The following TTN variants were observed in gnomAD, a reference collection of about 807,000 sequenced individuals.
The protein encoded by TTN is connectin.
Under a neutral mutation model 3,223.0 loss-of-function variants are expected in TTN, and 1,525 were observed. The ratio of observed to expected loss-of-function variants is 0.47; its 90% confidence interval spans 0.45 to 0.49. The LOEUF (loss-of-function observed/expected upper bound fraction) is 0.49, where lower values mean the gene tolerates loss of function less well. TTN is among the 20% of genes least tolerant of loss of function. The pLI is 0.00. For synonymous variants in TTN, 14,094 were observed against 15,161.0 expected (o/e 0.93, Z 5.17); for missense variants, 40,786 against 43,424.0 (o/e 0.94, Z 5.40).
Position 178,747,170 on chromosome 2 carries a change from G to A in TTN, c.11312-5249C>T, listed in dbSNP as rs757243046. 7.5e-6 allele frequency: 12 copies of A among 1,610,370 alleles called. No individual in the cohort carries two copies. The highest frequency in any genetic ancestry group is 6.7e-5 in the African/African-American group (5 of 74,372). ...GGAATATCTCTCTAGAGTCTCTCCT[G>A]GGGGTGTGGAGTATCTCTCTAGAGT... On this transcript the variant is annotated intron_variant, in intron 47 of 362. Transcript: ENST00000589042.
chr2:178,574,720 C>T lies in TTN; in HGVS notation c.71412G>A (p.Gln23804=). The T allele has an allele frequency of 2.5e-6, 4 of 1,613,276 alleles. No individual in the cohort carries two copies. The highest frequency in any genetic ancestry group is 3.4e-6 in the Non-Finnish European group (4 of 1,179,532). The change falls in exon 326 of 363, where the codon CAG becomes CAA. Residue 23804 remains glutamine, a synonymous_variant. Transcript: ENST00000589042. ...TGCCTGGTCCAACTCCATATCTATT[C>T]TGAGCTTTTACACGGAACTGATACT... ...GLEYQFRVKA[Q]NRYGVGPGIT...
At chr2:178,784,536 C>G (rs2093031286) in intron 15 of TTN, among the ~76,000 whole-genome samples, 185 bp from the exon 16 acceptor site, 1 of 152,130 alleles carries the variant, frequency 6.6e-6, no homozygotes, top group Non-Finnish European at 1.5e-5. Context: ...CTTGTCATGC[C>G]TGTTAGTTTG....
rs1338070898 is a variant in TTN, at chr2:178,632,629, G to T, written c.43377C>A (p.Gly14459=). 6.2e-7 allele frequency: 1 copy of T among 1,613,330 alleles called. No homozygotes were observed. The highest frequency in any genetic ancestry group is 1.3e-5 in the African/African-American group (1 of 74,872). The change falls in exon 235 of 363, where the codon GGC becomes GGA. Residue 14459 remains glycine, a synonymous_variant. Transcript: ENST00000589042. ...ACTTGATCACCATTGAATGCTTAGTGCCATCCTTTATAAGCTCAAATCTGT... is the reference window on the plus strand; with the variant it reads ...ACTTGATCACCATTGAATGCTTAGTTCCATCCTTTATAAGCTCAAATCTGT... The part of the protein sequence containing the change: ...GDDRFELIKD[G]TKHSMVIKSA...
chr2:178,572,153 C>T lies in TTN; in HGVS notation c.73979G>A (p.Ser24660Asn), dbSNP rs1444695129. Residue 24660 changes from serine (S) to asparagine (N), a missense_variant, in exon 326 of 363, where the codon AGT (serine) becomes AAT (asparagine). Physicochemically the swap from Ser to Asn is conservative, Grantham distance 46. Transcript: ENST00000589042. ...TGTGGCACACGTGGCCCATTTGTCA[C>T]TGCCTTTGGTCTGCATCTCCACAAT... Reference protein sequence around the residue: ...GYIVEMQTKGSDKWATCATVK... With the variant: ...GYIVEMQTKGNDKWATCATVK... 1.2e-6 allele frequency: 2 copies of T among 1,613,332 alleles called. No individual in the cohort carries two copies. Among genetic ancestry groups the T allele is most frequent in the Middle Eastern group, 1.6e-4 (1 of 6,078 alleles).
chr2:178,574,950 C>T lies in TTN; in HGVS notation c.71182G>A (p.Gly23728Arg). The part of the protein sequence containing the change: ...VITIQVHDIP[G>R]PPTGPIKFDE... The stretch of plus-strand genomic sequence containing the variant: ...AATTTGATTGGTCCAGTAGGTGGCC[C>T]TGGGATATCATGGACTTGAATGGTG... Residue 23728 changes from glycine to arginine, a missense_variant, in exon 326 of 363, where the codon GGG becomes AGG. By Grantham distance (125) the Gly-to-Arg change is moderately radical (BLOSUM62 -2). Coordinates refer to ENST00000589042, the MANE Select transcript of TTN (RefSeq NM_001267550.2). The T allele has an allele frequency of 6.2e-7, 1 of 1,613,128 alleles. No individual in the cohort carries two copies. Among genetic ancestry groups the T allele is most frequent in the Non-Finnish European group, 8.5e-7 (1 of 1,179,528 alleles).
chr2:178,568,724 G>T lies in TTN; in HGVS notation c.77408C>A (p.Ala25803Glu), dbSNP rs1706938707. Residue 25803 changes from alanine (A) to glutamate (E), a missense_variant, in exon 326 of 363, where the codon GCA becomes GAA. Ala to Glu is a moderately radical substitution (Grantham distance 107). Transcript: ENST00000589042. Reference sequence around the variant, plus strand: ...AACCTGTACACTGTAACTACTGAATGCAGGTTTTACATCTGGCTCAATTAC... The same window carrying T: ...AACCTGTACACTGTAACTACTGAATTCAGGTTTTACATCTGGCTCAATTAC... Reference protein sequence around the residue: ...DLVIEPDVKPAFSSYSVQVGQ... With the variant: ...DLVIEPDVKPEFSSYSVQVGQ... 1 of 1,613,108 alleles carries T rather than the reference G, an allele frequency of 6.2e-7. No homozygotes were observed.
chr2:178,681,637 GTAA>G, intron 136 of TTN, 21 bp downstream of exon 136: 1 of 1,592,756 alleles, frequency 6.3e-7, no homozygotes, highest in Non-Finnish European at 8.5e-7. Flanking sequence ...TCTCTTACAG[GTAA>G]TAATGTTTTT....
At position 178,528,681 on chromosome 2, in the gene TTN, A is replaced by C; in HGVS notation, c.107070T>G (p.Tyr35690Ter). ...KTKEGIVKCQ[Y>*]DLTLSKELSD... ...AGAGTTCTTTGCTCAGTGTCAAATC[A>C]TACTGACACTTGACGATTCCTTCCT... The change falls in exon 360 of 363, where the codon TAT becomes TAG. Residue 35690 changes from tyrosine to a stop codon, truncating the protein, a stop_gained. Coordinates refer to ENST00000589042, the MANE Select transcript of TTN (RefSeq NM_001267550.2). LOFTEE classifies it high-confidence loss of function. The C allele has an allele frequency of 6.2e-7, 1 of 1,613,492 alleles. No homozygotes were observed. The highest frequency in any genetic ancestry group is 8.5e-7 in the Non-Finnish European group (1 of 1,179,668).
At position 178,614,340 on chromosome 2, in the gene TTN, C is replaced by T. The variant is rs374866935; in HGVS notation, c.49057G>A (p.Gly16353Arg). Residue 16353 changes from glycine to arginine, a missense_variant, in exon 262 of 363, where the codon GGA becomes AGA. Physicochemically the swap from Gly to Arg is moderately radical, Grantham distance 125. Transcript: ENST00000589042. ...VVEVNVLDKP[G>R]PPAAFDITDV... ...GTGATGTCAAAGGCAGCTGGTGGTC[C>T]GGGTTTATCTGTGTATGGCATTACA... The T allele has an allele frequency of 3.2e-5, 52 of 1,611,900 alleles. No individual in the cohort carries two copies. The highest frequency in any genetic ancestry group is 1.3e-4 in the South Asian group (12 of 90,932).
At position 178,608,851 on chromosome 2, in the gene TTN, A is replaced by T. The variant is rs2154197942; in HGVS notation, c.52160T>A (p.Leu17387His). ...ATCAAGGGGTGGTTCCCATTTACAA[A>T]GGACTGAGGTCTTTCTGATATCTTC... ...VFEDIRKTSV[L>H]CKWEPPLDDG... The change falls in exon 274 of 363, where the codon CTT becomes CAT. Residue 17387 changes from leucine (L) to histidine (H), a missense_variant. Leu to His is a moderately conservative substitution (Grantham distance 99). Coordinates refer to ENST00000589042, the MANE Select transcript of TTN (RefSeq NM_001267550.2). 1.2e-6 allele frequency: 2 copies of T among 1,612,180 alleles called. No individual in the cohort carries two copies. The highest frequency in any genetic ancestry group is 1.7e-6 in the Non-Finnish European group (2 of 1,179,204).
intron 47 of TTN, chr2:178,747,881 T>G: frequency 2.5e-6 from 4 of 1,613,144 alleles, no homozygotes; most frequent in Non-Finnish European, 3.4e-6. Context: ...TGGATTCTGT[T>G]GTTCTTCAGT....
rs748534098 is a variant in TTN, at chr2:178,706,966, T to C, written c.29042-12A>G. 1 of 1,593,104 alleles carries C rather than the reference T, an allele frequency of 6.3e-7. No homozygotes were observed. Among genetic ancestry groups the C allele is most frequent in the South Asian group, 1.1e-5 (1 of 87,632 alleles). ...CACAGCTGGTTTGTCTGAAAAAACA[T>C]TTACATGTTTTGTTACTACAATCAC... On this transcript the variant is annotated splice_polypyrimidine_tract_variant and intron_variant, in intron 100 of 362. Coordinates refer to ENST00000589042, the MANE Select transcript of TTN (RefSeq NM_001267550.2).
intron 47 of TTN, chr2:178,746,258 C>G (rs369189673): frequency 3.7e-6 from 6 of 1,612,204 alleles, no homozygotes; most frequent in South Asian, 1.1e-5. Flanking sequence ...CATTATAAAG[C>G]GAGGAGGCAT....
At position 178,618,404 on chromosome 2, in the gene TTN, C is replaced by T. The variant is rs1318116963; in HGVS notation, c.47054G>A (p.Gly15685Asp). 9 of 1,612,352 alleles carry T rather than the reference C, an allele frequency of 5.6e-6. No homozygotes were observed. The highest frequency in any genetic ancestry group is 7.6e-6 in the Non-Finnish European group (9 of 1,179,124). Residue 15685 changes from glycine (G) to aspartate (D), a missense_variant, in exon 252 of 363, where the codon GGT (glycine) becomes GAT (aspartate). Coordinates refer to ENST00000589042, the MANE Select transcript of TTN (RefSeq NM_001267550.2). ...SLAWEEPLTD[G>D]GSKIIGYVVE... is the part of the protein sequence containing the mutation. ...AACGTAACCTATGATTTTGCTTCCA[C>T]CATCAGTTAAAGGTTCTTCCCAAGC...
chr2:178,740,053 T>G lies in TTN; in HGVS notation c.13180A>C (p.Asn4394His). Reference sequence around the variant, plus strand: ...GCCCGGCAGATTTGAATTTTCAGGTTTAATCTCTGCTCTTCTGGAATACCA... The same window carrying G: ...GCCCGGCAGATTTGAATTTTCAGGTGTAATCTCTGCTCTTCTGGAATACCA... ...LSGIPEEQRL[N>H]LKIQICRALQ... The change falls in exon 48 of 363, where the codon AAC becomes CAC. Residue 4394 changes from asparagine to histidine, a missense_variant. Coordinates refer to ENST00000589042, the MANE Select transcript of TTN (RefSeq NM_001267550.2). 1 of 1,613,860 alleles carries G rather than the reference T, an allele frequency of 6.2e-7. No individual in the cohort carries two copies. Among genetic ancestry groups the G allele is most frequent in the South Asian group, 1.1e-5 (1 of 91,088 alleles).
Position 178,790,724 on chromosome 2 carries a change from T to C in TTN, c.1784A>G (p.His595Arg), listed in dbSNP as rs1188892245. Reference protein sequence around the residue: ...EETTTQQDQMHLSYEKIMKET... With the variant: ...EETTTQQDQMRLSYEKIMKET... Reference sequence around the variant, plus strand: ...AGTCATCACCTTTTCATAACTTAGGTGCATTTGATCTTGTTGTGTGGTAGT... The same window carrying C: ...AGTCATCACCTTTTCATAACTTAGGCGCATTTGATCTTGTTGTGTGGTAGT... Residue 595 changes from histidine to arginine, a missense_variant, in exon 11 of 363, where the codon CAC becomes CGC. Physicochemically the swap from His to Arg is conservative, Grantham distance 29 (BLOSUM62 0). Coordinates refer to ENST00000589042, the MANE Select transcript of TTN (RefSeq NM_001267550.2). The C allele has an allele frequency of 3.1e-6, 5 of 1,614,152 alleles. No homozygotes were observed. The highest frequency in any genetic ancestry group is 4.2e-6 in the Non-Finnish European group (5 of 1,180,006).
At chr2:178,676,138 T>C in intron 147 of TTN, 143 bp from the exon 148 acceptor site, 1 of 675,936 alleles carries the variant, frequency 1.5e-6, no homozygotes, top group Non-Finnish European at 2.4e-6. Flanking sequence ...CCAGATATTA[T>C]AATGTAATTG....
At position 178,688,667 on chromosome 2, in the gene TTN, G is replaced by A. The variant is rs748585597; in HGVS notation, c.32197+10C>T. On this transcript the variant is annotated intron_variant, in intron 126 of 362. Transcript: ENST00000589042. ...CAAACTCATTTATCCCCTGACTTCC[G>A]ATTATATACCTTCGTGCCGCGTGAC... 18 of 1,596,298 alleles carry A rather than the reference G, an allele frequency of 1.1e-5. No individual in the cohort carries two copies. Among genetic ancestry groups the A allele is most frequent in the East Asian group, 2.2e-5 (1 of 44,800 alleles).
At position 178,749,332 on chromosome 2, in the gene TTN, T is replaced by C. The variant is rs16866490; in HGVS notation, c.11311+3792A>G. ...GTCTCTCTTTCCCTTCAGCCTGACA[T>C]TGTATGAATTCAGCCCTGATGGGCT... On this transcript the variant is annotated intron_variant, in intron 47 of 362. Coordinates refer to ENST00000589042, the MANE Select transcript of TTN (RefSeq NM_001267550.2). 1,814 of 1,612,694 alleles carry C rather than the reference T, an allele frequency of 1.1e-3. 18 individuals carry two copies. In the African/African-American group the frequency reaches 0.021, roughly 19 times the overall value.
Sources: gnomAD v4.1 joint callset for allele counts (sites outside exome capture counted in the v4.1 genomes callset) on GRCh38, gnomAD v4.1.1 for gene constraint, MANE v1.5 for transcripts, NCBI Gene and HGNC (gene_info 2026-07-23, HGNC 2026-07-21) for gene names.